Variants in SCML4 observed in about 807,000 individuals in gnomAD.
The protein encoded by SCML4 is Scm polycomb group protein like 4, also known as sex comb on midleg-like protein 4.
SCML4 carries 34 observed loss-of-function variants against 41.1 expected under a neutral mutation model. The ratio of observed to expected loss-of-function variants is 0.83; its 90% CI spans 0.63 to 1.10. The LOEUF (loss-of-function observed/expected upper bound fraction) is 1.10. SCML4 is among the 50% of genes least tolerant of loss of function. The pLI is 0.00. For synonymous variants in SCML4, 214 were observed against 220.9 expected, an observed-to-expected ratio of 0.97 and a Z score of 0.28; for missense variants, 522 against 534.1, an observed-to-expected ratio of 0.98 and a Z score of 0.22.
intron 6 of SCML4, chr6:107,719,868 C>G (rs924008527): frequency 3.1e-6 from 3 of 983,250 alleles, no homozygotes; most frequent in East Asian, 1.1e-4. Context: ...ATCCACTATA[C>G]TCTATGGCCT....
At chr6:107,796,326 G>A (rs1171037506) in intron 1 of SCML4, among the ~76,000 whole-genome samples, 5 of 152,158 alleles carry the variant, frequency 3.3e-5, no homozygotes, top group Non-Finnish European at 7.4e-5. Flanking sequence ...GACCGAAATT[G>A]GAGCTGTCAG....
chr6:107,719,493 T>G (rs1387217938), intron 6 of SCML4: 1 of 152,222 alleles, frequency 6.6e-6, no homozygotes, highest in African/African-American at 2.4e-5. Flanking sequence ...GCCTGCCCAC[T>G]GAGGGGCTAC....
chr6:107,737,019 T>G (rs1027005015), intron 5 of SCML4, among the ~76,000 whole-genome samples: 2 of 152,254 alleles, frequency 1.3e-5, no homozygotes. Context: ...ATAGTTCAAC[T>G]CTCACATTTG....
intron 1 of SCML4, among the ~76,000 whole-genome samples, chr6:107,815,984 G>A (rs1382755251): frequency 6.6e-6 from 1 of 152,220 alleles, no homozygotes; most frequent in East Asian, 1.9e-4. Flanking sequence ...GCCCTGCCAG[G>A]CAGAGCAGGA....
intron 2 of SCML4, among the ~76,000 whole-genome samples, chr6:107,770,092 T>A (rs564027520): frequency 5.6e-4 from 85 of 152,308 alleles, no homozygotes; most frequent in African/African-American, 2.0e-3. Context: ...TGAGCTGGCT[T>A]CTTCACAATT....
At chr6:107,709,803 C>T (rs555363023) in intron 6 of SCML4, among the ~76,000 whole-genome samples, 5 of 152,262 alleles carry the variant, frequency 3.3e-5, no homozygotes, top group South Asian at 2.1e-4. Flanking sequence ...CTCCACCTTC[C>T]GGGTTCAAGT....
At chr6:107,760,619 A>G (rs369496920) in intron 2 of SCML4, among the ~76,000 whole-genome samples, 3 of 152,228 alleles carry the variant, frequency 2.0e-5, no homozygotes, top group Non-Finnish European at 4.4e-5. Flanking sequence ...CTGGAAAGGC[A>G]AAAGAAAACA....
chr6:107,706,768 G>A (rs1773674310), intron 7 of SCML4, among the ~76,000 whole-genome samples: 1 of 152,130 alleles, frequency 6.6e-6, no homozygotes, highest in African/African-American at 2.4e-5. Flanking sequence ...TGAGAACCAG[G>A]GATGGCAGCC....
intron 1 of SCML4, among the ~76,000 whole-genome samples, chr6:107,820,179 G>A (rs970714619): frequency 2.0e-5 from 3 of 152,298 alleles, no homozygotes; most frequent in Middle Eastern, 6.8e-3. Context: ...TTCAGCCCTG[G>A]CCACGTCTCT....
At chr6:107,726,547 A>G (rs2114428363) in intron 5 of SCML4, among the ~76,000 whole-genome samples, 1 of 151,696 alleles carries the variant, frequency 6.6e-6, no homozygotes, top group African/African-American at 2.4e-5. Context: ...AAAAAAAAAA[A>G]AAAAAAAAGA....
upstream of SCML4, among the ~76,000 whole-genome samples, chr6:107,829,073 G>T (rs1439707326): frequency 6.6e-6 from 1 of 151,638 alleles, no homozygotes; most frequent in Admixed American, 6.6e-5. Context: ...ATTTTATTTT[G>T]AAAAAAAACT....
chr6:107,827,016 T>C (rs1366212565), upstream of SCML4, among the ~76,000 whole-genome samples: 1 of 151,836 alleles, frequency 6.6e-6, no homozygotes, highest in African/African-American at 2.4e-5. Flanking sequence ...TGAGCCGAGA[T>C]CACGCCACTG....
chr6:107,823,245 G>A (rs1259202660), intron 1 of SCML4, among the ~76,000 whole-genome samples: 3 of 152,166 alleles, frequency 2.0e-5, no homozygotes, highest in Non-Finnish European at 2.9e-5. Context: ...GACAACACGA[G>A]GAGACACCTC....
At chr6:107,712,296 T>G (rs558496202) in intron 6 of SCML4, among the ~76,000 whole-genome samples, 1 of 152,190 alleles carries the variant, frequency 6.6e-6, no homozygotes, top group African/African-American at 2.4e-5. Context: ...TCAAATCTAA[T>G]TTCCTGCATT....
intron 5 of SCML4, among the ~76,000 whole-genome samples, chr6:107,731,483 C>G (rs1288444991): frequency 6.6e-6 from 1 of 152,236 alleles, no homozygotes; most frequent in African/African-American, 2.4e-5. Flanking sequence ...TTCTCTCTCT[C>G]TCTCACCCCC....
At position 107,745,127 on chromosome 6, in the gene SCML4, A is replaced by G. The variant is rs148576733; in HGVS notation, c.504T>C (p.Asp168=). ...GEMVSVSASF[D]GKQHLRSLPV... ...GCAGGCTCCGCAGGTGCTGTTTGCC[A>G]TCAAAGGAAGCCGAGACTGGAAAAC... Residue 168 remains aspartate, a synonymous_variant, in exon 5 of 8, where the codon GAT becomes GAC. Coordinates refer to ENST00000369020, the MANE Select transcript of SCML4 (RefSeq NM_198081.5). 232 of 1,585,324 alleles carry G rather than the reference A, an allele frequency of 1.5e-4. No individual in the cohort carries two copies. In the African/African-American group the frequency reaches 2.8e-3, roughly 19 times the overall value.
intron 2 of SCML4, among the ~76,000 whole-genome samples, chr6:107,762,090 A>G (rs545677738): frequency 1.1e-4 from 16 of 152,312 alleles, no homozygotes; most frequent in African/African-American, 3.4e-4. Flanking sequence ...ACAATAATAT[A>G]TAAGTGTGGG....
Position 107,705,341 on chromosome 6 carries a change from C to G in SCML4, c.1120-16G>C, listed in dbSNP as rs1773501864. On this transcript the variant is annotated splice_polypyrimidine_tract_variant and intron_variant, in intron 7 of 7. Coordinates refer to ENST00000369020, the MANE Select transcript of SCML4 (RefSeq NM_198081.5). ...CATCAATCTCCTGGTGGGATAGGAT[C>G]AGAAGAAAGATAAACCCAGAAGATG... 4 of 1,550,954 alleles carry G rather than the reference C, an allele frequency of 2.6e-6. No homozygotes were observed. The Admixed American group carries it at 5.9e-5, about 23-fold the overall frequency.
rs188221801 is a variant in SCML4 at position 107,760,188 on chromosome 6, G to C, written c.157-10375C>G. 4.7e-4 allele frequency among the ~76,000 whole-genome samples: 71 copies of C among 151,898 alleles called. 1 individual carries two copies. The East Asian group carries it at 6.9e-3, about 15-fold the overall frequency. ...AGCATTCTAAATTATTTGAAGTCCT[G>C]TTTCTGGTAAGATGGAAAACTGGTT... On this transcript the variant is annotated intron_variant, in intron 2 of 7. Transcript: ENST00000369020.
Sources: allele counts gnomAD v4.1 joint callset (sites outside exome capture counted in the v4.1 genomes callset), GRCh38; gene constraint gnomAD v4.1.1; transcripts MANE v1.5; gene names NCBI Gene and HGNC (gene_info 2026-07-23, HGNC 2026-07-21).